The following MARCHF4 variants were observed in gnomAD, a reference collection of about 807,000 sequenced individuals.
MARCHF4 encodes E3 ubiquitin-protein ligase MARCHF4.
MARCHF4 carries 14 observed loss-of-function variants against 43.9 expected under a neutral mutation model. That is an observed-to-expected ratio of 0.32 (90% CI 0.21 to 0.50). The LOEUF is 0.50. Among genes scored for constraint, MARCHF4 ranks in the 20% least tolerant of loss-of-function variants. The probability of loss-of-function intolerance (pLI) is 0.98; values close to 1 mark genes in which losing one functional copy is unlikely to be tolerated. For missense variants in MARCHF4, 468 were observed against 536.7 expected (o/e 0.87, Z 1.27); for synonymous variants, 226 against 213.3 (o/e 1.06, Z -0.52).
rs565705758 is a variant in MARCHF4, at chr2:216,282,142, G to C, written c.672+1432C>G. 2.4e-3 allele frequency among the ~76,000 whole-genome samples: 366 copies of C among 152,196 alleles called. 1 individual carries two copies. The highest frequency in any genetic ancestry group is 8.6e-3 in the African/African-American group (356 of 41,514). ...CTATTTTAAGACACTTTGAGATTTT[G>C]AAATGAATTGAAGATGGAACCAGCA... On this transcript the variant is annotated intron_variant, in intron 2 of 3. Coordinates refer to ENST00000273067, the MANE Select transcript of MARCHF4 (RefSeq NM_020814.3).
chr2:216,286,365 C>T (rs538351563), intron 1 of MARCHF4, among the ~76,000 whole-genome samples: 1 of 152,008 alleles, frequency 6.6e-6, no homozygotes, highest in Admixed American at 6.6e-5. Flanking sequence ...ATGGCGAAAC[C>T]CCATCTCTAC....
At chr2:216,313,120 C>T (rs1174944176) in intron 1 of MARCHF4, among the ~76,000 whole-genome samples, 1 of 152,162 alleles carries the variant, frequency 6.6e-6, no homozygotes, top group Non-Finnish European at 1.5e-5. Context: ...ATCCCAGCAC[C>T]ATTAACTGAA....
At chr2:216,330,251 TGTG>T (rs1181893249) in intron 1 of MARCHF4, among the ~76,000 whole-genome samples, 1 of 152,210 alleles carries the variant, frequency 6.6e-6, no homozygotes, top group East Asian at 1.9e-4. Flanking sequence ...AGTGTGATAG[TGTG>T]GTCAATTTTT....
intron 1 of MARCHF4, among the ~76,000 whole-genome samples, chr2:216,326,889 C>A (rs1415855182): frequency 6.6e-6 from 1 of 151,636 alleles, no homozygotes; most frequent in Non-Finnish European, 1.5e-5. Context: ...TGCAGCACAC[C>A]AGCATGACAC....
chr2:216,264,554 C>T (rs909487105), intron 3 of MARCHF4, among the ~76,000 whole-genome samples: 1 of 152,196 alleles, frequency 6.6e-6, no homozygotes, highest in African/African-American at 2.4e-5. Context: ...CTGTAATCCC[C>T]TCGAGGACAG....
chr2:216,352,999 G>A (rs1045835783), intron 1 of MARCHF4, among the ~76,000 whole-genome samples: 2 of 152,126 alleles, frequency 1.3e-5, no homozygotes, highest in African/African-American at 4.8e-5. Context: ...CCTTGTGTGG[G>A]AGAAAGATAA....
chr2:216,322,860 C>A (rs1191013377), intron 1 of MARCHF4, among the ~76,000 whole-genome samples: 1 of 152,110 alleles, frequency 6.6e-6, no homozygotes, highest in Non-Finnish European at 1.5e-5. Context: ...CACAGGTGAC[C>A]CAGCTGGGTG....
chr2:216,354,405 G>A (rs1692450541), intron 1 of MARCHF4, among the ~76,000 whole-genome samples: 1 of 152,124 alleles, frequency 6.6e-6, no homozygotes, highest in South Asian at 2.1e-4. Context: ...AGTCCACGTG[G>A]GGTCCTTCTC....
At chr2:216,284,327 T>A (rs1373306420) in intron 1 of MARCHF4, among the ~76,000 whole-genome samples, 1 of 152,128 alleles carries the variant, frequency 6.6e-6, no homozygotes, top group Non-Finnish European at 1.5e-5. Flanking sequence ...GGAGTTGGAA[T>A]CAGAGAGGCA....
chr2:216,275,619 G>A (rs1429217767), intron 3 of MARCHF4, among the ~76,000 whole-genome samples: 2 of 152,180 alleles, frequency 1.3e-5, no homozygotes, highest in South Asian at 2.1e-4. Flanking sequence ...CAGACTGGTC[G>A]ATGACATGGT....
At chr2:216,295,801 G>A (rs1422990042) in intron 1 of MARCHF4, among the ~76,000 whole-genome samples, 1 of 152,210 alleles carries the variant, frequency 6.6e-6, no homozygotes, top group East Asian at 1.9e-4. Flanking sequence ...AAAGCCAGTT[G>A]TCTCCAGGTG....
intron 1 of MARCHF4, among the ~76,000 whole-genome samples, chr2:216,308,853 C>A (rs749597118): frequency 2.6e-5 from 4 of 152,190 alleles, no homozygotes; most frequent in South Asian, 2.1e-4. Context: ...ATTATACAAC[C>A]TGCTTAGCAA....
At chr2:216,311,409 C>A (rs1574472222) in intron 1 of MARCHF4, among the ~76,000 whole-genome samples, 2 of 152,230 alleles carry the variant, frequency 1.3e-5, no homozygotes, top group South Asian at 4.1e-4. Context: ...AGTCATGCGT[C>A]ACCACACCTG....
chr2:216,341,612 G>A (rs540205590), intron 1 of MARCHF4, among the ~76,000 whole-genome samples: 1 of 152,254 alleles, frequency 6.6e-6, no homozygotes, highest in African/African-American at 2.4e-5. Flanking sequence ...AGTACCTACT[G>A]TGCACCAGAT....
intron 1 of MARCHF4, among the ~76,000 whole-genome samples, chr2:216,357,056 A>T (rs1574487345): frequency 6.6e-6 from 1 of 152,142 alleles, no homozygotes; most frequent in East Asian, 1.9e-4. Context: ...TAGCACAAAG[A>T]TTTCTCATAT....
intron 1 of MARCHF4, among the ~76,000 whole-genome samples, chr2:216,312,725 T>C (rs1398782128): frequency 8.3e-6 from 1 of 120,308 alleles, no homozygotes; most frequent in Non-Finnish European, 1.9e-5. Context: ...TGCCCAGTTT[T>C]TAATGGAGTT....
intron 1 of MARCHF4, among the ~76,000 whole-genome samples, chr2:216,317,031 A>G (rs1046904958): frequency 2.0e-5 from 3 of 152,280 alleles, no homozygotes; most frequent in Non-Finnish European, 4.4e-5. Context: ...GCACTCTCCA[A>G]CCTTCTCCAA....
intron 1 of MARCHF4, among the ~76,000 whole-genome samples, chr2:216,334,957 G>A (rs1692136695): frequency 6.6e-6 from 1 of 152,188 alleles, no homozygotes; most frequent in African/African-American, 2.4e-5. Context: ...GATGTAGGAA[G>A]GGAACCTTCA....
intron 1 of MARCHF4, among the ~76,000 whole-genome samples, chr2:216,332,348 A>T (rs975322487): frequency 1.6e-4 from 24 of 151,140 alleles, no homozygotes; most frequent in African/African-American, 5.6e-4. Flanking sequence ...GCCGAGATTG[A>T]GCCACTGCAC....
Sources: gnomAD v4.1 joint callset for allele counts (sites outside exome capture counted in the v4.1 genomes callset) on GRCh38, gnomAD v4.1.1 for gene constraint, MANE v1.5 for transcripts, NCBI Gene and HGNC (gene_info 2026-07-23, HGNC 2026-07-21) for gene names.